PIGL: variants seen among roughly 807,000 people sequenced by gnomAD.
PIGL encodes the protein phosphatidylinositol glycan anchor biosynthesis class L, also known as N-acetylglucosaminyl-phosphatidylinositol de-N-acetylase.
In PIGL, 22 loss-of-function variants were observed where a neutral mutation model predicts 31.1. The ratio of observed to expected loss-of-function variants is 0.71; its 90% CI spans 0.51 to 1.01. The LOEUF is 1.01. Ranked by LOEUF, PIGL falls within the 50% of genes least tolerant of loss-of-function variation. The pLI is 0.00. For missense variants in PIGL, 302 were observed against 315.9 expected (o/e 0.96, Z 0.33); for synonymous variants, 131 against 117.4 (o/e 1.12, Z -0.75).
intron 2 of PIGL, among the ~76,000 whole-genome samples, chr17:16,285,633 C>A (rs538389376): frequency 7.1e-4 from 108 of 152,262 alleles, no homozygotes; most frequent in African/African-American, 2.5e-3. Flanking sequence ...GGAAAAGGCT[C>A]TCTTAGGGCA....
At chr17:16,262,111 T>C (rs2092821648) in intron 2 of PIGL, among the ~76,000 whole-genome samples, 2 of 152,046 alleles carry the variant, frequency 1.3e-5, no homozygotes, top group Non-Finnish European at 1.5e-5. Flanking sequence ...TAATCCCATC[T>C]ACTCAAGAGG....
chr17:16,294,226 C>T (rs192155079), intron 2 of PIGL, among the ~76,000 whole-genome samples: 1 of 152,220 alleles, frequency 6.6e-6, no homozygotes, highest in East Asian at 1.9e-4. Flanking sequence ...TGATGCAGCT[C>T]CTGCCAGGTC....
At chr17:16,253,397 CAAAG>C (rs2092780969) in intron 2 of PIGL, among the ~76,000 whole-genome samples, 1 of 152,116 alleles carries the variant, frequency 6.6e-6, no homozygotes, top group African/African-American at 2.4e-5. Flanking sequence ...TGTTCATGGT[CAAAG>C]AAACAATTTA....
chr17:16,281,451 C>T (rs541535444), intron 2 of PIGL, among the ~76,000 whole-genome samples: 2 of 152,298 alleles, frequency 1.3e-5, no homozygotes, highest in Middle Eastern at 3.4e-3. Context: ...GAGAATGTGT[C>T]TAGGCATTTG....
In PIGL at chr17:16,276,952, G is replaced by T. The variant is rs374857523; in HGVS notation, c.336-22936G>T. ...TTAAAATCAGCTTTGATGGAATTTT[G>T]TTCCTTAGAAGGAATCTCAGATAAG... On this transcript the variant is annotated intron_variant, in intron 2 of 6. Coordinates refer to ENST00000225609, the MANE Select transcript of PIGL (RefSeq NM_004278.4). Among the ~76,000 whole-genome samples, 34 of 152,288 alleles carry T rather than the reference G, an allele frequency of 2.2e-4. 1 individual carries two copies. The East Asian group carries it at 6.4e-3, about 29-fold the overall frequency.
intron 2 of PIGL, among the ~76,000 whole-genome samples, chr17:16,289,044 T>G (rs2092949649): frequency 1.3e-5 from 2 of 152,152 alleles, no homozygotes; most frequent in South Asian, 4.1e-4. Context: ...AGGTACAACC[T>G]TACCGGATAT....
intron 6 of PIGL, among the ~76,000 whole-genome samples, chr17:16,318,344 C>T (rs1448859805): frequency 6.6e-6 from 1 of 151,250 alleles, no homozygotes; most frequent in Non-Finnish European, 1.5e-5. Context: ...AATCTCGGCT[C>T]ACTGCAACCT....
intron 2 of PIGL, among the ~76,000 whole-genome samples, chr17:16,238,429 CT>C (rs1330555896): frequency 7.0e-6 from 1 of 142,450 alleles, no homozygotes; most frequent in Admixed American, 7.0e-5. Flanking sequence ...TGGAGTGTTT[CT>C]TTTTTTCTTT....
chr17:16,234,719 C>G (rs974560339), intron 2 of PIGL, among the ~76,000 whole-genome samples: 10 of 152,208 alleles, frequency 6.6e-5, no homozygotes, highest in Non-Finnish European at 1.5e-4. Context: ...GAGCCAAGAT[C>G]ACACCATTGC....
intron 6 of PIGL, among the ~76,000 whole-genome samples, chr17:16,320,250 G>GAAGC (rs1251166161): frequency 3.8e-4 from 31 of 82,618 alleles, no homozygotes; most frequent in African/African-American, 1.4e-3. Context: ...AGGAAGGAAG[G>GAAGC]AAAGGAGGGA....
At position 16,217,402 on chromosome 17, in the gene PIGL, C is replaced by T; in HGVS notation, c.176C>T (p.Pro59Leu). The change falls in exon 1 of 7, where the codon CCC (proline) becomes CTC (leucine). Residue 59 changes from proline (P) to leucine (L), a missense_variant. By Grantham distance (98) the Pro-to-Leu change is moderately conservative. Coordinates refer to ENST00000225609, the MANE Select transcript of PIGL (RefSeq NM_004278.4). ...HPDDEAMFFA[P>L]TVLGLARLRH... ...GACGATGAAGCCATGTTTTTTGCTC[C>T]CACAGTGCTAGGCTTGGCCCGCCTA... 7 of 1,614,180 alleles carry T rather than the reference C, an allele frequency of 4.3e-6. No individual in the cohort carries two copies. The highest frequency in any genetic ancestry group is 5.9e-6 in the Non-Finnish European group (7 of 1,180,038).
intron 2 of PIGL, among the ~76,000 whole-genome samples, chr17:16,284,698 T>C (rs903276231): frequency 1.3e-5 from 2 of 152,078 alleles, no homozygotes; most frequent in African/African-American, 4.8e-5. Context: ...TATGATTTCA[T>C]CTCCTACTTA....
At position 16,316,668 on chromosome 17, in the gene PIGL, A is replaced by G. The variant is rs540743259; in HGVS notation, c.495-13A>G. On this transcript the variant is annotated splice_polypyrimidine_tract_variant and intron_variant, in intron 4 of 6. Coordinates refer to ENST00000225609, the MANE Select transcript of PIGL (RefSeq NM_004278.4). Reference sequence around the variant, plus strand: ...TCCTTACTCCTCTCACTCTTGTCCTATCCCTCCTCCAGGGCCCTGCACTCA... The same window carrying G: ...TCCTTACTCCTCTCACTCTTGTCCTGTCCCTCCTCCAGGGCCCTGCACTCA... 34 of 1,595,514 alleles carry G rather than the reference A, an allele frequency of 2.1e-5. No homozygotes were observed. The African/African-American group carries it at 3.7e-4, about 18-fold the overall frequency.
intron 1 of PIGL, 178 bp downstream of exon 1, chr17:16,217,639 T>TCAC: frequency 1.8e-6 from 1 of 541,336 alleles, no homozygotes; most frequent in South Asian, 2.8e-5. Context: ...ACCTGGTGGG[T>TCAC]TGGGGGACGT....
intron 2 of PIGL, among the ~76,000 whole-genome samples, chr17:16,248,934 G>A (rs145340801): frequency 1.1e-3 from 162 of 152,242 alleles, no homozygotes; most frequent in African/African-American, 3.7e-3. Flanking sequence ...AGCCTGACTT[G>A]CACATGGCTG....
At position 16,320,935 on chromosome 17, in the gene PIGL, A is replaced by ATTTTT. The variant is rs34777606; in HGVS notation, c.660+3043_660+3047dup. Among the ~76,000 whole-genome samples, 383 of 89,996 alleles carry ATTTTT rather than the reference A, an allele frequency of 4.3e-3. 10 individuals carry two copies. The highest frequency in any genetic ancestry group is 5.6e-3 in the Non-Finnish European group (272 of 48,758). 59.0% of individuals were successfully genotyped at this position (89,996 alleles called of 152,430 possible). A position where few individuals can be genotyped will look rare whatever the true frequency, so the allele number is the denominator to read the frequency against. On this transcript the variant is annotated intron_variant, in intron 6 of 6. Transcript: ENST00000225609. ...CAGGCATGAGCCACTGTGCCTGGCC[A>ATTTTT]TTTTTTTTTTTTTTTTTTTTGAGAC...
chr17:16,254,749 C>T (rs1214237331), intron 2 of PIGL, among the ~76,000 whole-genome samples: 18 of 152,066 alleles, frequency 1.2e-4, no homozygotes, highest in African/African-American at 4.1e-4. Context: ...GGACTACAGG[C>T]GCCCACCACC....
Position 16,258,657 on chromosome 17 carries a change from C to G in PIGL, c.335+24587C>G, listed in dbSNP as rs574191743. On this transcript the variant is annotated intron_variant, in intron 2 of 6. Transcript: ENST00000225609. ...TAGCTAGGATTACAGGCATGCACCA[C>G]CATGCCCAGCTAATTTTATTTTTAG... Among the ~76,000 whole-genome samples the G allele has an allele frequency of 2.2e-4, 33 of 152,140 alleles. 1 individual carries two copies. The highest frequency in any genetic ancestry group is 3.4e-3 in the Middle Eastern group (1 of 294).
chr17:16,279,508 A>G (rs1245706207), intron 2 of PIGL: 7 of 152,204 alleles, frequency 4.6e-5, no homozygotes, highest in Non-Finnish European at 7.3e-5. Flanking sequence ...TTATCCTTGA[A>G]CAGATTTATG....
Sources: allele counts gnomAD v4.1 joint callset (sites outside exome capture counted in the v4.1 genomes callset), GRCh38; gene constraint gnomAD v4.1.1; transcripts MANE v1.5; gene names NCBI Gene and HGNC (gene_info 2026-07-23, HGNC 2026-07-21).